ST3GAL1: variants seen among roughly 807,000 people sequenced by gnomAD.
ST3GAL1 encodes CMP-N-acetylneuraminate-beta-galactosamide-alpha-2,3-sialyltransferase 1.
In ST3GAL1, 16 loss-of-function variants were observed where a neutral mutation model predicts 34.1. The observed-to-expected ratio is 0.47, with a 90% CI of 0.32 to 0.71. ST3GAL1 has a LOEUF of 0.71. Ranked by LOEUF, ST3GAL1 falls within the 30% of genes least tolerant of loss-of-function variation. The pLI, the probability that ST3GAL1 is intolerant of heterozygous loss-of-function variation, is 0.04. For missense variants in ST3GAL1, 353 were observed against 447.4 expected, an observed-to-expected ratio of 0.79 and a Z score of 1.90; for synonymous variants, 191 against 184.7, an observed-to-expected ratio of 1.03 and a Z score of -0.28.
At chr8:133,531,798 C>T (rs1818161495) in intron 2 of ST3GAL1, among the ~76,000 whole-genome samples, 1 of 131,062 alleles carries the variant, frequency 7.6e-6, no homozygotes, top group Admixed American at 8.3e-5. Context: ...CACTTGTATC[C>T]CGAAACTTAA....
chr8:133,526,787 T>G (rs567433723), intron 2 of ST3GAL1, among the ~76,000 whole-genome samples: 1 of 152,208 alleles, frequency 6.6e-6, no homozygotes, highest in African/African-American at 2.4e-5. Context: ...GTTTTCCAGC[T>G]GAGTACAGTG....
rs758891210 is a variant in ST3GAL1, at chr8:133,459,767, T to C, written c.1020A>G (p.Arg340=). ...SINKIRIFKG[R] Reference sequence around the variant, plus strand: ...CCATCCTCAGCCCTTCACTGCGTCATCTCCCCTTGAAGATCCGGATTTTAT... The same window carrying C: ...CCATCCTCAGCCCTTCACTGCGTCACCTCCCCTTGAAGATCCGGATTTTAT... The change falls in exon 10 of 10, where the codon AGA becomes AGG. Residue 340 remains arginine, a synonymous_variant. Transcript: ENST00000522652. The surrounding 1 kb of genome is among the most constrained non-coding windows in gnomAD (Gnocchi z 4.7). 8.1e-6 allele frequency: 13 copies of C among 1,610,132 alleles called. No homozygotes were observed. The highest frequency in any genetic ancestry group is 1.7e-4 in the Middle Eastern group (1 of 6,048).
Position 133,457,617 on chromosome 8 carries a change from C to G in ST3GAL1, c.*2147G>C, listed in dbSNP as rs572054881. On this transcript the variant is annotated 3_prime_UTR_variant, in exon 10 of 10. Transcript: ENST00000522652. ...GTTTTGGAGGATTTTAAAGCTGAAA[C>G]AGGTTTTCGGTTTGTTTAACACATT... 6.6e-6 allele frequency: 1 copy of G among 152,214 alleles called. No individual in the cohort carries two copies. The highest frequency in any genetic ancestry group is 1.5e-5 in the Non-Finnish European group (1 of 68,024). The allele number at this position is 152,214 out of a possible 1,614,324, so 9.4% of individuals were successfully genotyped here. A position where few individuals can be genotyped will look rare whatever the true frequency, so the allele number is the denominator to read the frequency against.
At chr8:133,558,751 T>C (rs1025578451) in intron 1 of ST3GAL1, among the ~76,000 whole-genome samples, 51 of 152,316 alleles carry the variant, frequency 3.3e-4, no homozygotes, top group African/African-American at 1.2e-3. Context: ...TATATTTTTT[T>C]CTCCTTGTTT....
rs1818490054 is a variant in ST3GAL1 at position 133,540,996 on chromosome 8, T to TATATATGCAGAC, written c.-429+4777_-429+4778insGTCTGCATATAT. Among the ~76,000 whole-genome samples, 8 of 50,144 alleles carry TATATATGCAGAC rather than the reference T, an allele frequency of 1.6e-4. 1 individual carries two copies. The highest frequency in any genetic ancestry group is 5.2e-4 in the African/African-American group (6 of 11,562). 32.9% of individuals were successfully genotyped at this position (50,144 alleles called of 152,430 possible). On this transcript the variant is annotated intron_variant, in intron 2 of 9. Coordinates refer to ENST00000522652, the MANE Select transcript of ST3GAL1 (RefSeq NM_173344.3). ...ATATATGCAGACATATATATAGACA[T>TATATATGCAGAC]ATATATATAGACATATATATGCAGA... is the stretch of plus-strand genomic sequence containing the variant.
Position 133,551,598 on chromosome 8 carries a change from GAAA to G in ST3GAL1, c.-581-5675_-581-5673del, listed in dbSNP as rs1563739165. 1.2e-3 allele frequency among the ~76,000 whole-genome samples: 178 copies of G among 150,710 alleles called. 1 individual carries two copies. The highest frequency in any genetic ancestry group is 4.1e-3 in the African/African-American group (167 of 40,710). Reference sequence around the variant, plus strand: ...AGAAAGAAAGAAAGAAAGAAAGAAAGAAAGAAAGAAAGAAAGAAAGAGCGAGCA... The same window carrying G: ...AGAAAGAAAGAAAGAAAGAAAGAAAGGAAAGAAAGAAAGAAAGAGCGAGCA... On this transcript the variant is annotated intron_variant, in intron 1 of 9. Coordinates refer to ENST00000522652, the MANE Select transcript of ST3GAL1 (RefSeq NM_173344.3).
rs906404958 is a variant in ST3GAL1, at chr8:133,457,675, G to A, written c.*2089C>T. On this transcript the variant is annotated 3_prime_UTR_variant, in exon 10 of 10. Transcript: ENST00000522652. Reference sequence around the variant, plus strand: ...CTGAACCTTTGAGAATCTAATAAAAGCTATGGTCCTTTCTCCAGAAAAATG... The same window carrying A: ...CTGAACCTTTGAGAATCTAATAAAAACTATGGTCCTTTCTCCAGAAAAATG... 1.3e-5 allele frequency: 2 copies of A among 152,202 alleles called. No individual in the cohort carries two copies. The highest frequency in any genetic ancestry group is 2.4e-5 in the African/African-American group (1 of 41,468). 9.4% of individuals were successfully genotyped at this position (152,202 alleles called of 1,614,324 possible).
rs140580430 is a variant in ST3GAL1 at position 133,544,017 on chromosome 8, C to T, written c.-429+1757G>A. 301 of 152,346 alleles carry T rather than the reference C, an allele frequency of 2.0e-3. 1 individual carries two copies. The highest frequency in any genetic ancestry group is 6.9e-3 in the African/African-American group (287 of 41,574). The allele number at this position is 152,346 out of a possible 1,614,324, so 9.4% of individuals were successfully genotyped here. ...CAACCAAAAGAAAGAGGCAGGAGGC[C>T]ATTTTCAAATCTAGATGTGCAGAAT... On this transcript the variant is annotated intron_variant, in intron 2 of 9. Coordinates refer to ENST00000522652, the MANE Select transcript of ST3GAL1 (RefSeq NM_173344.3).
chr8:133,545,457 C>A (rs1020663737), intron 2 of ST3GAL1, among the ~76,000 whole-genome samples: 1 of 152,206 alleles, frequency 6.6e-6, no homozygotes, highest in African/African-American at 2.4e-5. Context: ...GGATGACAGG[C>A]CCTTGTCATC....
intron 1 of ST3GAL1, among the ~76,000 whole-genome samples, chr8:133,558,248 T>C (rs1187580827): frequency 6.6e-6 from 1 of 152,228 alleles, no homozygotes; most frequent in Non-Finnish European, 1.5e-5. Context: ...GATGATGTGT[T>C]GCCACAGCAT....
chr8:133,556,907 G>C lies in ST3GAL1; in HGVS notation c.-581-10981C>G, dbSNP rs771073104. Among the ~76,000 whole-genome samples, 39 of 152,156 alleles carry C rather than the reference G, an allele frequency of 2.6e-4. No homozygotes were observed. Among genetic ancestry groups the C allele is most frequent in the Non-Finnish European group, 5.6e-4 (38 of 68,026 alleles). ...GGTTGGCAGCGGTGCTATTAATGCA[G>C]GCAGGGAGACCAGATATACTGGGTC... On this transcript the variant is annotated intron_variant, in intron 1 of 9. Transcript: ENST00000522652. The surrounding 1 kb of genome is among the most constrained non-coding windows in gnomAD (Gnocchi z 8.9).
At chr8:133,491,175 G>A (rs1816772433) in intron 3 of ST3GAL1, among the ~76,000 whole-genome samples, 3 of 152,148 alleles carry the variant, frequency 2.0e-5, no homozygotes, top group South Asian at 4.1e-4. Flanking sequence ...ACATGAGAAG[G>A]AGGCGAATAT....
At chr8:133,485,275 C>A (rs974749651) in intron 3 of ST3GAL1, among the ~76,000 whole-genome samples, 2 of 152,218 alleles carry the variant, frequency 1.3e-5, no homozygotes, top group East Asian at 1.9e-4. Context: ...GGCAGGTGGG[C>A]GAGGCAAGAG....
intron 1 of ST3GAL1, among the ~76,000 whole-genome samples, chr8:133,565,836 A>T (rs1408783496): frequency 8.5e-5 from 12 of 141,048 alleles, no homozygotes; most frequent in Admixed American, 8.1e-4. Flanking sequence ...CAGATGGGCC[A>T]GGGCCAGGGC....
intron 9 of ST3GAL1, among the ~76,000 whole-genome samples, chr8:133,460,299 A>G (rs1815449327): frequency 6.6e-6 from 1 of 152,158 alleles, no homozygotes; most frequent in South Asian, 2.1e-4. Context: ...AAGAGAGTGG[A>G]AGGAGAGCAG....
chr8:133,482,736 T>C (rs554091987), intron 3 of ST3GAL1, among the ~76,000 whole-genome samples: 24 of 152,332 alleles, frequency 1.6e-4, no homozygotes, highest in African/African-American at 4.6e-4. Context: ...TGGGACCAAG[T>C]AAGACCTGAC....
At chr8:133,518,812 C>T (rs1435443593) in intron 2 of ST3GAL1, among the ~76,000 whole-genome samples, 1 of 152,202 alleles carries the variant, frequency 6.6e-6, no homozygotes, top group Non-Finnish European at 1.5e-5. Flanking sequence ...TATTTTTAAT[C>T]CCCAGCTTGC....
chr8:133,470,412 T>G (rs1026529279), intron 5 of ST3GAL1, among the ~76,000 whole-genome samples: 1 of 145,752 alleles, frequency 6.9e-6, no homozygotes, highest in African/African-American at 2.6e-5. Context: ...AGAGAGAAAC[T>G]CCATGCCAAA....
rs147979167 is a variant in ST3GAL1 at position 133,502,283 on chromosome 8, G to A, written c.-428-3094C>T. ...ATTGGCCCTTGCTATGGAATGAACC[G>A]TCCCCCACACCCCCACCAAATTCAT... On this transcript the variant is annotated intron_variant, in intron 2 of 9. Coordinates refer to ENST00000522652, the MANE Select transcript of ST3GAL1 (RefSeq NM_173344.3). Among the ~76,000 whole-genome samples, 206 of 152,100 alleles carry A rather than the reference G, an allele frequency of 1.4e-3. 1 individual carries two copies. Among genetic ancestry groups the A allele is most frequent in the African/African-American group, 4.8e-3 (199 of 41,470 alleles).
Sources: allele counts gnomAD v4.1 joint callset (sites outside exome capture counted in the v4.1 genomes callset), GRCh38; gene constraint gnomAD v4.1.1; non-coding constraint Gnocchi (gnomAD v3.1); transcripts MANE v1.5; gene names NCBI Gene and HGNC (gene_info 2026-07-23, HGNC 2026-07-21).